Variants in PAX1 observed in about 807,000 individuals in gnomAD.
The protein encoded by PAX1 is paired box protein Pax-1.
A neutral mutation model predicts 35.6 loss-of-function variants in PAX1; 18 were observed. That is an observed-to-expected ratio of 0.50 (90% CI 0.35 to 0.75). The LOEUF is 0.75. PAX1 is among the 30% of genes least tolerant of loss of function. PAX1 has a pLI of 0.01. For synonymous variants in PAX1, 397 were observed against 305.2 expected (o/e 1.30, Z -3.14); for missense variants, 760 against 661.5 (o/e 1.15, Z -1.63).
chr20:21,714,910 T>A lies in PAX1; in HGVS notation c.*348T>A. On this transcript the variant is annotated 3_prime_UTR_variant, in exon 5 of 5. Transcript: ENST00000613128. ...CTTGTCCGTCTCCGTCTCGCCTCTC[T>A]CCCTGTTTCCTTCCCCCCTCTTTCT... The A allele has an allele frequency of 1.1e-6, 1 of 870,850 alleles. No individual in the cohort carries two copies. Among genetic ancestry groups the A allele is most frequent in the Non-Finnish European group, 1.9e-6 (1 of 536,358 alleles). The allele number at this position is 870,850 out of a possible 1,614,324, so 53.9% of individuals were successfully genotyped here.
intron 4 of PAX1, among the ~76,000 whole-genome samples, chr20:21,710,452 C>A (rs2122142058): frequency 6.6e-6 from 1 of 152,294 alleles, no homozygotes; most frequent in East Asian, 1.9e-4. Flanking sequence ...TCGTCCCAGC[C>A]CCAGCAGAGA....
In PAX1 at chr20:21,715,040, C is replaced by T. The variant is rs896010519; in HGVS notation, c.*478C>T. Reference sequence around the variant, plus strand: ...CCCTCTGCCCTTCCACTCTCTTTTCCTTGCTCCGACCTCTGCTCCAGTCCC... The same window carrying T: ...CCCTCTGCCCTTCCACTCTCTTTTCTTTGCTCCGACCTCTGCTCCAGTCCC... On this transcript the variant is annotated 3_prime_UTR_variant, in exon 5 of 5. Coordinates refer to ENST00000613128, the MANE Select transcript of PAX1 (RefSeq NM_001257096.2). 17 of 608,600 alleles carry T rather than the reference C, an allele frequency of 2.8e-5. No individual in the cohort carries two copies. The highest frequency in any genetic ancestry group is 4.7e-5 in the Non-Finnish European group (16 of 342,832). The allele number at this position is 608,600 out of a possible 1,614,324, so 37.7% of individuals were successfully genotyped here.
intron 2 of PAX1, among the ~76,000 whole-genome samples, chr20:21,707,600 A>T (rs1315052527): frequency 6.6e-6 from 1 of 152,156 alleles, no homozygotes; most frequent in Non-Finnish European, 1.5e-5. Flanking sequence ...CACCTTCACA[A>T]GGATTTGTCA....
intron 2 of PAX1, 146 bp downstream of exon 2, chr20:21,707,213 T>C (rs998943753): frequency 5.6e-6 from 5 of 898,468 alleles, no homozygotes; most frequent in Non-Finnish European, 8.6e-6. Context: ...AGGCTGGGGG[T>C]CCTGGGCCTT....
chr20:21,714,743 G>C lies in PAX1; in HGVS notation c.*181G>C, dbSNP rs11908163. On this transcript the variant is annotated 3_prime_UTR_variant, in exon 5 of 5. Transcript: ENST00000613128. The stretch of plus-strand genomic sequence containing the variant: ...CCCAGGCCCAGCCCTGCCTCTGGCC[G>C]GACCCACCACACTTCCTTTATTGGT... 4.7e-3 allele frequency: 7,476 copies of C among 1,603,646 alleles called. 307 individuals are homozygous for C. In the African/African-American group the frequency reaches 0.088, roughly 19 times the overall value.
chr20:21,706,985 C>T lies in PAX1; in HGVS notation c.834C>T (p.Gly278=). 2 of 1,612,802 alleles carry T rather than the reference C, an allele frequency of 1.2e-6. No homozygotes were observed. The highest frequency in any genetic ancestry group is 2.2e-5 in the East Asian group (1 of 44,852). ...GSHPGVPGTA[G]HVSIPRSWPS... Reference sequence around the variant, plus strand: ...ACCCCGGGGTCCCGGGCACGGCGGGCCACGTCAGCATCCCGCGCTCATGGC... The same window carrying T: ...ACCCCGGGGTCCCGGGCACGGCGGGTCACGTCAGCATCCCGCGCTCATGGC... Residue 278 remains glycine, a synonymous_variant, in exon 2 of 5, where the codon GGC becomes GGT. Transcript: ENST00000613128. The surrounding 1 kb of genome is among the most constrained non-coding windows in gnomAD (Gnocchi z 5.3).
At chr20:21,708,511 A>C (rs1279713241) in intron 2 of PAX1, 47 bp from the exon 3 acceptor site, 3 of 1,610,648 alleles carry the variant, frequency 1.9e-6, no homozygotes, top group Non-Finnish European at 2.5e-6. Context: ...ACGTGTGCCC[A>C]GGGCAGATTC....
At chr20:21,712,854 C>G (rs1007682222) in intron 4 of PAX1, among the ~76,000 whole-genome samples, 3 of 152,076 alleles carry the variant, frequency 2.0e-5, no homozygotes, top group Non-Finnish European at 4.4e-5. Context: ...CCGTGCCTCC[C>G]CTCAGCGGTG....
At chr20:21,708,309 G>A in intron 2 of PAX1, 1 of 614,388 alleles carries the variant, frequency 1.6e-6, no homozygotes, top group East Asian at 2.8e-5. Flanking sequence ...TGACTCAGCA[G>A]CAGCCTCCCG....
intron 4 of PAX1, among the ~76,000 whole-genome samples, chr20:21,712,930 G>A (rs532525112): frequency 1.6e-4 from 25 of 152,136 alleles, no homozygotes; most frequent in African/African-American, 5.8e-4. Context: ...CTTAGCCCCT[G>A]AATTAAATGA....
chr20:21,707,633 C>G (rs1320251233), intron 2 of PAX1, among the ~76,000 whole-genome samples: 1 of 152,156 alleles, frequency 6.6e-6, no homozygotes, highest in Non-Finnish European at 1.5e-5. Context: ...TAAAGCTTAA[C>G]ACACTATAGG....
Position 21,714,566 on chromosome 20 carries a change from C to T in PAX1, c.*4C>T. The T allele has an allele frequency of 6.3e-7, 1 of 1,584,800 alleles. No homozygotes were observed. Among genetic ancestry groups the T allele is most frequent in the Non-Finnish European group, 8.6e-7 (1 of 1,166,702 alleles). On this transcript the variant is annotated 3_prime_UTR_variant, in exon 5 of 5. Transcript: ENST00000613128. Reference sequence around the variant, plus strand: ...CATCCCGGCCTCGACCTCCTAGGGGCAGCTCTCCCCGGACCCGAGCCCGGA... The same window carrying T: ...CATCCCGGCCTCGACCTCCTAGGGGTAGCTCTCCCCGGACCCGAGCCCGGA...
rs1355827197 is a variant in PAX1, at chr20:21,708,502, C to A, written c.917-56C>A. 28 of 1,605,828 alleles carry A rather than the reference C, an allele frequency of 1.7e-5. No homozygotes were observed. In the Admixed American group the frequency reaches 4.5e-4, roughly 26 times the overall value. ...GATACAAATTGGGTGGTTGGCCACACGTGTGCCCAGGGCAGATTCGGAGGC... is the reference window on the plus strand; with the variant it reads ...GATACAAATTGGGTGGTTGGCCACAAGTGTGCCCAGGGCAGATTCGGAGGC... On this transcript the variant is annotated intron_variant, in intron 2 of 4. Transcript: ENST00000613128.
Position 21,705,896 on chromosome 20 carries a change from C to CGGG in PAX1, c.185_186insGGG (p.Gly66dup). 1 of 1,398,674 alleles carries CGGG rather than the reference C, an allele frequency of 7.1e-7. No individual in the cohort carries two copies. The allele number at this position is 1,398,674 out of a possible 1,614,324, so 86.6% of individuals were successfully genotyped here. A position where few individuals can be genotyped will look rare whatever the true frequency, so the allele number is the denominator to read the frequency against. On this transcript the variant is annotated inframe_insertion, in exon 1 of 5. Coordinates refer to ENST00000613128, the MANE Select transcript of PAX1 (RefSeq NM_001257096.2). ...GGGCGCCCTCCCTCTATGCCTCTCA[C>CGGG]GCGGCGGCGGCGGCGCCCAAGCTCT...
At position 21,705,907 on chromosome 20, in the gene PAX1, C is replaced by A; in HGVS notation, c.195C>A (p.Gly65=). 2 of 1,400,094 alleles carry A rather than the reference C, an allele frequency of 1.4e-6. No individual in the cohort carries two copies. Among genetic ancestry groups the A allele is most frequent in the South Asian group, 1.5e-5 (1 of 64,744 alleles). The allele number at this position is 1,400,094 out of a possible 1,614,324, so 86.7% of individuals were successfully genotyped here. The change falls in exon 1 of 5, where the codon GGC becomes GGA. Residue 65 remains glycine (G), a synonymous_variant. Transcript: ENST00000613128. ...ALPLCLSRGG[G]GAQALPDCAG... is the part of the protein sequence containing the mutation. The stretch of plus-strand genomic sequence containing the variant: ...CTCTATGCCTCTCACGCGGCGGCGG[C>A]GGCGCCCAAGCTCTCCCGGACTGCG...
In PAX1 at chr20:21,715,918, G is replaced by C. The variant is rs893508775; in HGVS notation, c.*1356G>C. ...TTCTGTAGTCAGAGCAATATCCCTG[G>C]CGAGAGCCTGACATCGCCTGTTAAA... On this transcript the variant is annotated 3_prime_UTR_variant, in exon 5 of 5. Transcript: ENST00000613128. 6.6e-6 allele frequency: 1 copy of C among 152,256 alleles called. No homozygotes were observed. Among genetic ancestry groups the C allele is most frequent in the African/African-American group, 2.4e-5 (1 of 41,442 alleles). 9.4% of individuals were successfully genotyped at this position (152,256 alleles called of 1,614,324 possible). A position where few individuals can be genotyped will look rare whatever the true frequency, so the allele number is the denominator to read the frequency against.
In PAX1 at chr20:21,706,502, C is replaced by T. The variant is rs1173713914; in HGVS notation, c.351C>T (p.Asn117=). ...GVFVNGRPLP[N]AIRLRIVELA... ...TCGTCAACGGCCGCCCCCTGCCCAACGCCATCCGCTTGCGCATTGTGGAGC... is the reference window on the plus strand; with the variant it reads ...TCGTCAACGGCCGCCCCCTGCCCAATGCCATCCGCTTGCGCATTGTGGAGC... The change falls in exon 2 of 5, where the codon AAC becomes AAT. Residue 117 remains asparagine (N), a synonymous_variant. Transcript: ENST00000613128. This position sits in a 1 kb window ranked among gnomAD's most constrained non-coding sequence, Gnocchi z 5.3. 2.5e-6 allele frequency: 4 copies of T among 1,612,160 alleles called. No homozygotes were observed. Among genetic ancestry groups the T allele is most frequent in the East Asian group, 2.2e-5 (1 of 44,862 alleles).
chr20:21,714,979 A>G lies in PAX1; in HGVS notation c.*417A>G, dbSNP rs1190728120. The G allele has an allele frequency of 3.0e-6, 2 of 657,514 alleles. No individual in the cohort carries two copies. Among genetic ancestry groups the G allele is most frequent in the Non-Finnish European group, 5.3e-6 (2 of 375,420 alleles). 40.7% of individuals were successfully genotyped at this position (657,514 alleles called of 1,614,324 possible). On this transcript the variant is annotated 3_prime_UTR_variant, in exon 5 of 5. Coordinates refer to ENST00000613128, the MANE Select transcript of PAX1 (RefSeq NM_001257096.2). ...TCCCTTTCTCTTTCCCTTCCTCCCT[A>G]CCTTCCACCCCGGCTTTCCCCGACC... is the stretch of plus-strand genomic sequence containing the variant.
rs764664808 is a variant in PAX1, at chr20:21,716,930, A to G, written c.*2368A>G. 12 of 152,224 alleles carry G rather than the reference A, an allele frequency of 7.9e-5. No homozygotes were observed. Among genetic ancestry groups the G allele is most frequent in the Non-Finnish European group, 1.3e-4 (9 of 68,058 alleles). 9.4% of individuals were successfully genotyped at this position (152,224 alleles called of 1,614,324 possible). ...AAGACATCACATCCCTTTCTGAAGGAATGAGAAGAATCTATATGACAACTT... is the reference window on the plus strand; with the variant it reads ...AAGACATCACATCCCTTTCTGAAGGGATGAGAAGAATCTATATGACAACTT... On this transcript the variant is annotated 3_prime_UTR_variant, in exon 5 of 5. Coordinates refer to ENST00000613128, the MANE Select transcript of PAX1 (RefSeq NM_001257096.2).
Sources: gnomAD v4.1 joint callset for allele counts (sites outside exome capture counted in the v4.1 genomes callset) on GRCh38, gnomAD v4.1.1 for gene constraint, Gnocchi (gnomAD v3.1) non-coding constraint, MANE v1.5 for transcripts, NCBI Gene and HGNC (gene_info 2026-07-23, HGNC 2026-07-21) for gene names.